Variants in C8A observed in about 807,000 individuals in gnomAD.
The protein encoded by C8A is complement component C8 alpha chain.
Under a neutral mutation model 65.3 loss-of-function variants are expected in C8A, and 67 were observed. That is an observed-to-expected ratio of 1.03 (90% confidence interval 0.84 to 1.26). The LOEUF (loss-of-function observed/expected upper bound fraction) is 1.26. C8A is among the 50% of genes most tolerant of loss of function. The pLI is 0.00. For missense variants in C8A, 781 were observed against 723.9 expected (o/e 1.08, Z -0.90); for synonymous variants, 290 against 259.4 (o/e 1.12, Z -1.13).
chr1:56,881,005 G>T (rs1644242869), intron 4 of C8A, among the ~76,000 whole-genome samples: 1 of 152,062 alleles, frequency 6.6e-6, no homozygotes, highest in South Asian at 2.1e-4. Context: ...AAATATTTAG[G>T]GCTGCTTCCC....
intron 2 of C8A, among the ~76,000 whole-genome samples, chr1:56,870,603 C>A (rs1225769549): frequency 2.0e-5 from 3 of 151,086 alleles, no homozygotes; most frequent in African/African-American, 4.9e-5. Context: ...AATAAGGTAA[C>A]GTTTACAGGT....
intron 9 of C8A, among the ~76,000 whole-genome samples, chr1:56,910,611 C>T (rs1774902): frequency 0.1 from 15,592 of 152,244 alleles, 1,245 homozygotes; most frequent in African/African-American, 0.22. Context: ...GCCTATTCTA[C>T]GCTGACTTCC....
At chr1:56,857,691 G>A (rs622300) in intron 1 of C8A, among the ~76,000 whole-genome samples, 45,353 of 151,574 alleles carry the variant, frequency 0.3, 7,859 homozygotes, top group South Asian at 0.5. Context: ...TGTGTCCCAT[G>A]TCTTCCTTGT....
chr1:56,897,878 A>G (rs1306571275), intron 7 of C8A, among the ~76,000 whole-genome samples: 1 of 152,156 alleles, frequency 6.6e-6, no homozygotes, highest in African/African-American at 2.4e-5. Flanking sequence ...TGAGACACAC[A>G]GAGCCCTTCC....
chr1:56,916,517 T>C (rs1644554162), intron 10 of C8A, among the ~76,000 whole-genome samples: 1 of 152,062 alleles, frequency 6.6e-6, no homozygotes, highest in Non-Finnish European at 1.5e-5. Context: ...TCAGGGAGTA[T>C]AATTACAGAG....
At chr1:56,871,291 T>A (rs2101208681) in intron 2 of C8A, among the ~76,000 whole-genome samples, 1 of 152,346 alleles carries the variant, frequency 6.6e-6, no homozygotes, top group Non-Finnish European at 1.5e-5. Context: ...GATTTAAAAC[T>A]TGGTCAGTTG....
Position 56,907,424 on chromosome 1 carries a change from T to TG in C8A, c.1223-531dup, listed in dbSNP as rs570868075. Reference sequence around the variant, plus strand: ...TGTACCTCAGGGCCTTAAGTCAAATTGTTTCTTCTCTCTTTCTATCCTCTC... The same window carrying TG: ...TGTACCTCAGGGCCTTAAGTCAAATTGGTTTCTTCTCTCTTTCTATCCTCTC... On this transcript the variant is annotated intron_variant, in intron 8 of 10. Transcript: ENST00000361249. 3.3e-5 allele frequency among the ~76,000 whole-genome samples: 5 copies of TG among 152,282 alleles called. No individual in the cohort carries two copies. In the East Asian group the frequency reaches 9.6e-4, roughly 29 times the overall value.
intron 6 of C8A, among the ~76,000 whole-genome samples, chr1:56,883,918 CA>C (rs1644269194): frequency 6.6e-6 from 1 of 150,970 alleles, no homozygotes; most frequent in South Asian, 2.1e-4. Flanking sequence ...TTGCCCCCCC[CA>C]TCATCATTTT....
chr1:56,867,545 C>T, intron 1 of C8A, 64 bp from the exon 2 acceptor site: 1 of 1,167,944 alleles, frequency 8.6e-7, no homozygotes, highest in East Asian at 2.4e-5. Flanking sequence ...AAAATGTGCA[C>T]AGCTTTCTCA....
At position 56,867,591 on chromosome 1, in the gene C8A, G is replaced by A; in HGVS notation, c.78-18G>A. The A allele has an allele frequency of 6.3e-7, 1 of 1,593,428 alleles. No individual in the cohort carries two copies. The highest frequency in any genetic ancestry group is 8.6e-7 in the Non-Finnish European group (1 of 1,161,488). ...TTTTGCATCTCAAAATTGATGCATG[G>A]ATCTTCCCTTTCTTTAGGAGAGTAA... On this transcript the variant is annotated intron_variant, in intron 1 of 10. Coordinates refer to ENST00000361249, the MANE Select transcript of C8A (RefSeq NM_000562.3).
At chr1:56,892,272 G>T (rs1644352432) in intron 7 of C8A, among the ~76,000 whole-genome samples, 1 of 152,008 alleles carries the variant, frequency 6.6e-6, no homozygotes, top group South Asian at 2.1e-4. Context: ...CAGTTTACTT[G>T]ACATAGAGAG....
intron 10 of C8A, among the ~76,000 whole-genome samples, chr1:56,915,358 T>C (rs1202119689): frequency 2.0e-5 from 3 of 152,116 alleles, no homozygotes; most frequent in Admixed American, 2.0e-4. Context: ...AGTTCCATCT[T>C]CCATGGAACT....
At chr1:56,907,100 C>G (rs1193255863) in intron 8 of C8A, among the ~76,000 whole-genome samples, 1 of 152,044 alleles carries the variant, frequency 6.6e-6, no homozygotes, top group Admixed American at 6.6e-5. Context: ...GAATGAAGAC[C>G]CATCATATTA....
intron 1 of C8A, among the ~76,000 whole-genome samples, chr1:56,864,835 T>C (rs1029468621): frequency 2.0e-5 from 3 of 152,202 alleles, no homozygotes; most frequent in Admixed American, 2.0e-4. Context: ...CACCATCTTC[T>C]CAGGGGAACT....
intron 7 of C8A, 78 bp from the exon 8 acceptor site, chr1:56,906,589 C>A: frequency 6.4e-7 from 1 of 1,561,772 alleles, no homozygotes; most frequent in South Asian, 1.1e-5. Context: ...CTAGCTTTTA[C>A]TACTCTGACA....
chr1:56,889,960 A>G lies in C8A; in HGVS notation c.1096+3793A>G, dbSNP rs546498262. Reference sequence around the variant, plus strand: ...CAGCTTTCTACCTTCCGCAGGTATCAGTACGGTTTGGGGCTTAAATTTCTA... The same window carrying G: ...CAGCTTTCTACCTTCCGCAGGTATCGGTACGGTTTGGGGCTTAAATTTCTA... On this transcript the variant is annotated intron_variant, in intron 7 of 10. Transcript: ENST00000361249. 3.3e-5 allele frequency among the ~76,000 whole-genome samples: 5 copies of G among 152,280 alleles called. No homozygotes were observed. In the South Asian group the frequency reaches 1.0e-3, roughly 32 times the overall value.
At chr1:56,874,039 C>A (rs1644173484) in intron 2 of C8A, among the ~76,000 whole-genome samples, 2 of 152,162 alleles carry the variant, frequency 1.3e-5, no homozygotes, top group African/African-American at 4.8e-5. Context: ...AAGGTGGACC[C>A]AGGGACTCAG....
chr1:56,878,942 AC>A (rs1644225586), intron 4 of C8A, among the ~76,000 whole-genome samples: 1 of 152,210 alleles, frequency 6.6e-6, no homozygotes, highest in Non-Finnish European at 1.5e-5. Context: ...TCACTTTTAT[AC>A]TTAATAGTAG....
At chr1:56,901,330 C>A (rs1644424848) in intron 7 of C8A, among the ~76,000 whole-genome samples, 1 of 152,110 alleles carries the variant, frequency 6.6e-6, no homozygotes, top group Non-Finnish European at 1.5e-5. Context: ...TGTTTTCCAC[C>A]TAATGCTTTT....
Sources: gnomAD v4.1 joint callset for allele counts (sites outside exome capture counted in the v4.1 genomes callset) on GRCh38, gnomAD v4.1.1 for gene constraint, MANE v1.5 for transcripts, NCBI Gene and HGNC (gene_info 2026-07-23, HGNC 2026-07-21) for gene names.